The following NDUFS4 variants were observed in gnomAD, a reference collection of about 807,000 sequenced individuals.
NDUFS4 encodes NADH:ubiquinone oxidoreductase subunit S4, also known as NADH dehydrogenase [ubiquinone] iron-sulfur protein 4, mitochondrial.
In NDUFS4, 28 loss-of-function variants were observed where a neutral mutation model predicts 24.3. The observed-to-expected ratio is 1.15, with a 90% CI of 0.85 to 1.58. The LOEUF is 1.58. Ranked by LOEUF, NDUFS4 falls within the 40% of genes most tolerant of loss-of-function variation. The probability of loss-of-function intolerance (pLI) is 0.00; values close to 1 mark genes in which losing one functional copy is unlikely to be tolerated. For missense variants in NDUFS4, 223 were observed against 207.9 expected (o/e 1.07, Z -0.45); for synonymous variants, 93 against 69.7 (o/e 1.34, Z -1.67).
chr5:53,671,759 T>A (rs965471700), intron 4 of NDUFS4, among the ~76,000 whole-genome samples: 1 of 152,042 alleles, frequency 6.6e-6, no homozygotes. Flanking sequence ...TGTGGAAAAT[T>A]TGGATGGTGG....
At chr5:53,623,709 GTTTT>G (rs747428765) in intron 2 of NDUFS4, among the ~76,000 whole-genome samples, 3 of 146,114 alleles carry the variant, frequency 2.1e-5, no homozygotes, top group Non-Finnish European at 4.5e-5. Context: ...TCTTTGATCT[GTTTT>G]TTTGTTTGCT....
At chr5:53,568,269 T>C (rs72750144) in intron 1 of NDUFS4, among the ~76,000 whole-genome samples, 14,153 of 152,198 alleles carry the variant, frequency 0.093, 783 homozygotes, top group Middle Eastern at 0.13. Context: ...AATTATCTGT[T>C]GGGTGCCTAA....
chr5:53,560,758 C>T lies in NDUFS4; in HGVS notation c.96C>T (p.Thr32=). ...VAALSVSRVP[T]RSLRTSTWRL... ...CCCTTTCCGTTTCCAGGGTTCCGAC[C>T]AGGTAATAGAATTTTCACACTTTTC... The change falls in exon 1 of 5, where the codon ACC becomes ACT. Residue 32 remains threonine, a splice_region_variant and synonymous_variant. Transcript: ENST00000296684. 1.2e-6 allele frequency: 2 copies of T among 1,614,210 alleles called. No homozygotes were observed. The highest frequency in any genetic ancestry group is 1.7e-6 in the Non-Finnish European group (2 of 1,180,048).
intron 4 of NDUFS4, among the ~76,000 whole-genome samples, chr5:53,666,032 CTTA>C (rs1283543857): frequency 1.3e-5 from 2 of 152,202 alleles, no homozygotes. Context: ...CAATTCCTTA[CTTA>C]TACTTTCTTG....
rs1050933824 is a variant in NDUFS4 at position 53,646,420 on chromosome 5, T to C, written c.350+15T>C. ...TGGGCATCAACGTGAGTACTTTATT[T>C]TAATGTGAATATTGTCAGCTATCTT... On this transcript the variant is annotated intron_variant, in intron 3 of 4. Transcript: ENST00000296684. The C allele has an allele frequency of 6.2e-7, 1 of 1,611,468 alleles. No individual in the cohort carries two copies. Among genetic ancestry groups the C allele is most frequent in the Non-Finnish European group, 8.5e-7 (1 of 1,177,926 alleles).
chr5:53,676,110 C>T (rs536257932), intron 4 of NDUFS4, among the ~76,000 whole-genome samples: 63 of 152,208 alleles, frequency 4.1e-4, no homozygotes, highest in Non-Finnish European at 3.2e-4. Context: ...AATGTTATAA[C>T]CAGTTCAAAG....
chr5:53,669,916 C>T (rs1004205286), intron 4 of NDUFS4, among the ~76,000 whole-genome samples: 1 of 151,958 alleles, frequency 6.6e-6, no homozygotes, highest in Non-Finnish European at 1.5e-5. Flanking sequence ...TTTAGAAGAA[C>T]TGTTGATCTG....
chr5:53,658,667 A>G (rs747336271), intron 4 of NDUFS4, 43 bp downstream of exon 4: 5 of 1,527,434 alleles, frequency 3.3e-6, no homozygotes. Context: ...TAATGATTTT[A>G]TGTTCTTAAC....
intron 4 of NDUFS4, among the ~76,000 whole-genome samples, chr5:53,675,968 A>G (rs1380023182): frequency 6.6e-6 from 1 of 152,222 alleles, no homozygotes; most frequent in Non-Finnish European, 1.5e-5. Flanking sequence ...TGATAAATCT[A>G]TAGGATGTCT....
rs532223833 is a variant in NDUFS4, at chr5:53,584,060, C to G, written c.99-19392C>G. Reference sequence around the variant, plus strand: ...TTTTCCTTACAGTCCTGCTGCATCTCACTTACACCTCCCACTCCCCAATGC... The same window carrying G: ...TTTTCCTTACAGTCCTGCTGCATCTGACTTACACCTCCCACTCCCCAATGC... On this transcript the variant is annotated intron_variant, in intron 1 of 4. Coordinates refer to ENST00000296684, the MANE Select transcript of NDUFS4 (RefSeq NM_002495.4). Among the ~76,000 whole-genome samples the G allele has an allele frequency of 9.2e-5, 14 of 152,312 alleles. No individual in the cohort carries two copies. In the East Asian group the frequency reaches 2.7e-3, roughly 29 times the overall value.
intron 1 of NDUFS4, among the ~76,000 whole-genome samples, chr5:53,575,969 C>T (rs1579826019): frequency 6.6e-6 from 1 of 152,192 alleles, no homozygotes; most frequent in South Asian, 2.1e-4. Flanking sequence ...GGTTGAAAAT[C>T]ATGACTTTTA....
intron 2 of NDUFS4, among the ~76,000 whole-genome samples, chr5:53,631,260 C>T (rs369716012): frequency 9.9e-4 from 150 of 152,258 alleles, no homozygotes; most frequent in African/African-American, 3.5e-3. Context: ...CTGGAAGCTT[C>T]GTCCCATAGA....
chr5:53,570,160 C>A (rs1348975963), intron 1 of NDUFS4, among the ~76,000 whole-genome samples: 2 of 152,136 alleles, frequency 1.3e-5, no homozygotes, highest in African/African-American at 2.4e-5. Context: ...CAAAAGACTT[C>A]ATTACCCCAA....
intron 1 of NDUFS4, among the ~76,000 whole-genome samples, chr5:53,593,225 G>A (rs752762096): frequency 1.3e-5 from 2 of 152,006 alleles, no homozygotes; most frequent in Non-Finnish European, 2.9e-5. Context: ...ATATAGGCCT[G>A]TCCCGATTAT....
At chr5:53,610,693 C>T (rs1579870188) in intron 2 of NDUFS4, among the ~76,000 whole-genome samples, 2 of 152,194 alleles carry the variant, frequency 1.3e-5, no homozygotes, top group South Asian at 2.1e-4. Flanking sequence ...AAAAAGCTTG[C>T]GAATCATTCT....
intron 1 of NDUFS4, among the ~76,000 whole-genome samples, chr5:53,602,519 A>G (rs1750357554): frequency 6.6e-6 from 1 of 152,176 alleles, no homozygotes; most frequent in Non-Finnish European, 1.5e-5. Flanking sequence ...CACATTATCA[A>G]AATTGAACTT....
chr5:53,595,735 C>T (rs1750114695), intron 1 of NDUFS4, among the ~76,000 whole-genome samples: 1 of 152,134 alleles, frequency 6.6e-6, no homozygotes, highest in Admixed American at 6.6e-5. Flanking sequence ...TACCCTTATC[C>T]CTCTTGCACA....
chr5:53,622,849 G>A lies in NDUFS4; in HGVS notation c.177+19319G>A, dbSNP rs777974244. On this transcript the variant is annotated intron_variant, in intron 2 of 4. Coordinates refer to ENST00000296684, the MANE Select transcript of NDUFS4 (RefSeq NM_002495.4). ...ATTTCCGGAGCTTTTTCATCATCCCGAATAGAAACTCTGTACCCATTAAAT... is the reference window on the plus strand; with the variant it reads ...ATTTCCGGAGCTTTTTCATCATCCCAAATAGAAACTCTGTACCCATTAAAT... 9.9e-5 allele frequency among the ~76,000 whole-genome samples: 15 copies of A among 152,146 alleles called. 1 individual carries two copies. Among genetic ancestry groups the A allele is most frequent in the East Asian group, 1.9e-4 (1 of 5,184 alleles).
At chr5:53,642,394 A>C (rs1751731200) in intron 2 of NDUFS4, among the ~76,000 whole-genome samples, 1 of 151,984 alleles carries the variant, frequency 6.6e-6, no homozygotes, top group South Asian at 2.1e-4. Context: ...ATGCAGAAGA[A>C]CTCCTTTATA....
Sources: allele counts gnomAD v4.1 joint callset (sites outside exome capture counted in the v4.1 genomes callset), GRCh38; gene constraint gnomAD v4.1.1; transcripts MANE v1.5; gene names NCBI Gene and HGNC (gene_info 2026-07-23, HGNC 2026-07-21).